PARD3B: variants seen among roughly 807,000 people sequenced by gnomAD.
PARD3B encodes par-3 family cell polarity regulator beta.
In PARD3B, 103 loss-of-function variants were observed where a neutral mutation model predicts 130.2. The observed-to-expected ratio is 0.79, with a 90% CI of 0.67 to 0.93. The LOEUF (loss-of-function observed/expected upper bound fraction) is 0.93, where lower values mean the gene tolerates loss of function less well. Ranked by LOEUF, PARD3B falls within the 40% of genes least tolerant of loss-of-function variation. The pLI is 0.00. For missense variants in PARD3B, 1,609 were observed against 1,499.2 expected (o/e 1.07, Z -1.21); for synonymous variants, 583 against 553.2 (o/e 1.05, Z -0.76).
chr2:204,928,854 G>A (rs1264026892), intron 2 of PARD3B, among the ~76,000 whole-genome samples: 1 of 152,042 alleles, frequency 6.6e-6, no homozygotes, highest in Non-Finnish European at 1.5e-5. Flanking sequence ...GATTGTAGCT[G>A]ACCAACTGAC....
intron 1 of PARD3B, among the ~76,000 whole-genome samples, chr2:204,679,580 A>G (rs910192903): frequency 2.0e-5 from 3 of 152,124 alleles, no homozygotes; most frequent in African/African-American, 7.2e-5. Context: ...CTAATATTTT[A>G]TAATTTTAAA....
intron 22 of PARD3B, among the ~76,000 whole-genome samples, chr2:205,598,265 C>T (rs1057455242): frequency 5.3e-5 from 8 of 151,758 alleles, no homozygotes; most frequent in Admixed American, 2.0e-4. Flanking sequence ...AAAGGAATGG[C>T]GAAAGATGTA....
chr2:205,377,479 T>G (rs2045107037), intron 18 of PARD3B, among the ~76,000 whole-genome samples: 1 of 151,696 alleles, frequency 6.6e-6, no homozygotes. Context: ...ATGCCAGAAA[T>G]GAGGGATGAG....
chr2:205,440,868 G>A lies in PARD3B; in HGVS notation c.3044+196G>A, dbSNP rs1468667259. 6.6e-6 allele frequency among the ~76,000 whole-genome samples: 1 copy of A among 152,172 alleles called. No individual in the cohort carries two copies. Among genetic ancestry groups the A allele is most frequent in the Non-Finnish European group, 1.5e-5 (1 of 68,036 alleles). ...ATAAAACAATAGCCAATTGTAAGGT[G>A]GCATGAATGAATAGTAGTAGCAGAG... On this transcript the variant is annotated intron_variant, in intron 20 of 22. Coordinates refer to ENST00000406610, the MANE Select transcript of PARD3B (RefSeq NM_001302769.2). The surrounding 1 kb of genome is among the most constrained non-coding windows in gnomAD (Gnocchi z 4.2).
chr2:205,596,886 A>G (rs6435293), intron 22 of PARD3B, among the ~76,000 whole-genome samples: 83,649 of 151,880 alleles, frequency 0.55, 23,711 homozygotes, highest in African/African-American at 0.61. Context: ...CAGGAAGCTG[A>G]CATGGAGATG....
At position 205,615,760 on chromosome 2, in the gene PARD3B, C is replaced by G; in HGVS notation, c.3565C>G (p.Pro1189Ala). 1 of 1,614,048 alleles carries G rather than the reference C, an allele frequency of 6.2e-7. No homozygotes were observed. Among genetic ancestry groups the G allele is most frequent in the Non-Finnish European group, 8.5e-7 (1 of 1,179,978 alleles). Residue 1189 changes from proline (P) to alanine (A), a missense_variant, in exon 23 of 23, where the codon CCT (proline) becomes GCT (alanine). Transcript: ENST00000406610. ...CCGTGGGGGCAGCCCAGACCAGTAC[C>G]CTTACCGAACCCAGGATTCCCGGCA... is the stretch of plus-strand genomic sequence containing the variant. The part of the protein sequence containing the change: ...GPRGGSPDQY[P>A]YRTQDSRQKN...
intron 3 of PARD3B, among the ~76,000 whole-genome samples, chr2:205,012,445 C>T (rs1559354631): frequency 6.6e-6 from 1 of 152,094 alleles, no homozygotes; most frequent in Non-Finnish European, 1.5e-5. Flanking sequence ...TCAGCTTATC[C>T]TGCCCAAAGC....
chr2:204,844,638 A>G (rs928885024), intron 2 of PARD3B, among the ~76,000 whole-genome samples: 2 of 152,158 alleles, frequency 1.3e-5, no homozygotes, highest in African/African-American at 4.8e-5. Flanking sequence ...AGTCCTGCAT[A>G]GTGACTTGCA....
At chr2:204,575,993 C>T (rs999379901) in intron 1 of PARD3B, among the ~76,000 whole-genome samples, 4 of 152,104 alleles carry the variant, frequency 2.6e-5, no homozygotes, top group Admixed American at 6.6e-5. Flanking sequence ...AGTCTAATAT[C>T]GTATCTCTGT....
intron 20 of PARD3B, among the ~76,000 whole-genome samples, chr2:205,480,725 A>G (rs544825970): frequency 6.6e-6 from 1 of 152,306 alleles, no homozygotes; most frequent in Admixed American, 6.5e-5. Flanking sequence ...CGTGCTCTCA[A>G]CACCTTCTGT....
In PARD3B at chr2:205,560,776, C is replaced by T. The variant is rs541206669; in HGVS notation, c.3260+7373C>T. On this transcript the variant is annotated intron_variant, in intron 22 of 22. Coordinates refer to ENST00000406610, the MANE Select transcript of PARD3B (RefSeq NM_001302769.2). ...TCTCAAGCAGCTTTCAACTTGGCTG[C>T]GCAATGGGAAGCAATATACTGGAGC... 6.6e-4 allele frequency among the ~76,000 whole-genome samples: 100 copies of T among 152,238 alleles called. No individual in the cohort carries two copies. The Middle Eastern group carries it at 0.021, about 31-fold the overall frequency.
intron 4 of PARD3B, among the ~76,000 whole-genome samples, chr2:205,055,099 G>C (rs1036343317): frequency 6.6e-6 from 1 of 152,102 alleles, no homozygotes; most frequent in South Asian, 2.1e-4. Flanking sequence ...ACAGTGCCTG[G>C]CACTTAAGAC....
intron 1 of PARD3B, among the ~76,000 whole-genome samples, chr2:204,566,034 A>G (rs2031652138): frequency 1.3e-5 from 2 of 152,244 alleles, no homozygotes; most frequent in South Asian, 4.1e-4. Context: ...AATAATATTA[A>G]TACAATGACT....
At chr2:204,787,014 A>G (rs1233402732) in intron 2 of PARD3B, among the ~76,000 whole-genome samples, 1 of 152,050 alleles carries the variant, frequency 6.6e-6, no homozygotes, top group Non-Finnish European at 1.5e-5. Flanking sequence ...GATCAACAAC[A>G]CGTACTTTTT....
rs993955435 is a variant in PARD3B at position 205,160,125 on chromosome 2, G to A, written c.1620+1218G>A. ...GTGGAGATAATGCCTTTTTCACTGG[G>A]AAATAAATGTACTTTGGACAGACAC... On this transcript the variant is annotated intron_variant, in intron 11 of 22. Transcript: ENST00000406610. This position sits in a 1 kb window ranked among gnomAD's most constrained non-coding sequence, Gnocchi z 4.0. Among the ~76,000 whole-genome samples, 1 of 152,148 alleles carries A rather than the reference G, an allele frequency of 6.6e-6. No homozygotes were observed. Among genetic ancestry groups the A allele is most frequent in the Non-Finnish European group, 1.5e-5 (1 of 68,030 alleles).
chr2:205,523,227 A>G (rs2041833), intron 21 of PARD3B, among the ~76,000 whole-genome samples: 61,207 of 132,362 alleles, frequency 0.46, 14,593 homozygotes, highest in Middle Eastern at 0.66. Flanking sequence ...GTGTGTGTGT[A>G]TATATATATA....
intron 20 of PARD3B, among the ~76,000 whole-genome samples, chr2:205,451,736 T>G (rs2048111160): frequency 6.6e-6 from 1 of 151,598 alleles, no homozygotes; most frequent in African/African-American, 2.4e-5. Flanking sequence ...TGAGATATTT[T>G]GATACAGGCA....
At chr2:205,056,014 G>A (rs922433135) in intron 4 of PARD3B, among the ~76,000 whole-genome samples, 1 of 152,102 alleles carries the variant, frequency 6.6e-6, no homozygotes, top group African/African-American at 2.4e-5. Flanking sequence ...GGTATGGGTT[G>A]TGTCTTCCAT....
chr2:205,023,153 G>A (rs546709448), intron 3 of PARD3B, among the ~76,000 whole-genome samples: 9 of 152,222 alleles, frequency 5.9e-5, no homozygotes, highest in African/African-American at 1.7e-4. Flanking sequence ...TTAGAAGTTC[G>A]GTTGCATCGG....
Sources: gnomAD v4.1 joint callset for allele counts (sites outside exome capture counted in the v4.1 genomes callset) on GRCh38, gnomAD v4.1.1 for gene constraint, Gnocchi (gnomAD v3.1) non-coding constraint, MANE v1.5 for transcripts, NCBI Gene and HGNC (gene_info 2026-07-23, HGNC 2026-07-21) for gene names.